The following CCM2 variants were observed in gnomAD, a reference collection of about 807,000 sequenced individuals.
CCM2 encodes the protein cerebral cavernous malformations 2 protein.
In CCM2, 25 loss-of-function variants were observed where a neutral mutation model predicts 44.9. That is an observed-to-expected ratio of 0.56 (90% CI 0.41 to 0.78). The LOEUF is 0.78. Ranked by LOEUF, CCM2 falls within the 30% of genes least tolerant of loss-of-function variation. CCM2 has a pLI of 0.00. For missense variants in CCM2, 481 were observed against 580.6 expected, an observed-to-expected ratio of 0.83 and a Z score of 1.76; for synonymous variants, 219 against 241.1, an observed-to-expected ratio of 0.91 and a Z score of 0.85.
At chr7:45,000,872 G>A (rs564223926) in intron 1 of CCM2, among the ~76,000 whole-genome samples, 1 of 152,306 alleles carries the variant, frequency 6.6e-6, no homozygotes, top group African/African-American at 2.4e-5. Flanking sequence ...GTGGGATTTA[G>A]GACATAGTTC....
intron 4 of CCM2, chr7:45,068,175 G>A (rs1798875886): frequency 3.8e-6 from 2 of 530,416 alleles, no homozygotes; most frequent in Non-Finnish European, 6.9e-6. Flanking sequence ...TTGTATATGT[G>A]GTCTGTTGTA....
intron 5 of CCM2, 102 bp from the exon 6 acceptor site, chr7:45,069,724 A>G: frequency 1.4e-6 from 2 of 1,438,860 alleles, no homozygotes; most frequent in Non-Finnish European, 1.9e-6. Context: ...CTCTTCATTC[A>G]TGTTTATTGA....
intron 2 of CCM2, 108 bp from the exon 3 acceptor site, chr7:45,063,810 C>A: frequency 1.3e-6 from 1 of 790,796 alleles, no homozygotes. Flanking sequence ...GACCCATGGG[C>A]CTGGTGGCCT....
chr7:45,021,290 C>T (rs1372564033), intron 1 of CCM2, among the ~76,000 whole-genome samples: 3 of 151,778 alleles, frequency 2.0e-5, no homozygotes, highest in Admixed American at 6.6e-5. Context: ...TAGGCTGGCA[C>T]GGTGGCTCAC....
chr7:45,028,935 C>T (rs1470568908), intron 1 of CCM2, among the ~76,000 whole-genome samples: 3 of 152,144 alleles, frequency 2.0e-5, no homozygotes, highest in South Asian at 2.1e-4. Context: ...CGTAGTGCCT[C>T]GGATGTGCAC....
At chr7:45,003,728 CA>C (rs59817510) in intron 1 of CCM2, among the ~76,000 whole-genome samples, 107,840 of 139,778 alleles carry the variant, frequency 0.77, 40,875 homozygotes, top group East Asian at 0.89. Flanking sequence ...ACTCCATCTC[CA>C]AAAAAAAAAA....
intron 1 of CCM2, 66 bp downstream of exon 1, chr7:45,000,429 G>T: frequency 2.8e-6 from 1 of 358,074 alleles, no homozygotes; most frequent in South Asian, 1.6e-4. Context: ...GGCCAGGGTG[G>T]GGTGGGCGGG....
At chr7:45,031,833 A>C (rs765440441) in intron 1 of CCM2, among the ~76,000 whole-genome samples, 19 of 152,004 alleles carry the variant, frequency 1.2e-4, no homozygotes, top group South Asian at 6.2e-4. Context: ...TGGCCTCCCA[A>C]AGTGTTGGGA....
chr7:45,073,255 C>A, intron 7 of CCM2: 1 of 619,356 alleles, frequency 1.6e-6, no homozygotes, highest in Non-Finnish European at 2.9e-6. Context: ...CAACTCAGAG[C>A]CATGCCCCCG....
Position 45,068,479 on chromosome 7 carries a change from G to A in CCM2, c.509G>A (p.Cys170Tyr), listed in dbSNP as rs1336425364. ...GGGATCTCCCCCAGCCAGAGTCTGT[G>A]TGCGGAAAGTTCCAGAGGCCTCAGT... ...DPGISPSQSL[C>Y]AESSRGLSAG... The change falls in exon 5 of 10, where the codon TGT becomes TAT. Residue 170 changes from cysteine (C) to tyrosine (Y), a missense_variant. Cys to Tyr is a radical substitution (Grantham distance 194). Coordinates refer to ENST00000258781, the MANE Select transcript of CCM2 (RefSeq NM_031443.4). The A allele has an allele frequency of 2.5e-6, 4 of 1,614,084 alleles. No homozygotes were observed. In the East Asian group the frequency reaches 6.7e-5, roughly 27 times the overall value.
chr7:45,004,674 C>T lies in CCM2; in HGVS notation c.30+4311C>T, dbSNP rs566073708. ...AAAGTTTAAAGGAACCACACTTAAA[C>T]GCTCTGATTTTTTAATTCTATTTTT... On this transcript the variant is annotated intron_variant, in intron 1 of 9. Coordinates refer to ENST00000258781, the MANE Select transcript of CCM2 (RefSeq NM_031443.4). 1.4e-4 allele frequency among the ~76,000 whole-genome samples: 21 copies of T among 152,278 alleles called. No individual in the cohort carries two copies. The South Asian group carries it at 2.3e-3, about 17-fold the overall frequency.
chr7:45,049,879 A>G (rs1797920668), intron 2 of CCM2, among the ~76,000 whole-genome samples: 1 of 152,236 alleles, frequency 6.6e-6, no homozygotes, highest in Admixed American at 6.5e-5. Flanking sequence ...AAACCACTAC[A>G]ACAATAAAAA....
At chr7:45,069,669 C>A (rs190206358) in intron 5 of CCM2, among the ~76,000 whole-genome samples, 157 bp from the exon 6 acceptor site, 1 of 152,348 alleles carries the variant, frequency 6.6e-6, no homozygotes, top group Non-Finnish European at 1.5e-5. Flanking sequence ...TCTTTTGACA[C>A]CCCTTTGGGT....
chr7:45,022,898 G>A (rs570607800), intron 1 of CCM2, among the ~76,000 whole-genome samples: 51 of 151,650 alleles, frequency 3.4e-4, no homozygotes, highest in African/African-American at 1.1e-3. Context: ...CCACCACCAC[G>A]CCTGGCTAAT....
intron 1 of CCM2, among the ~76,000 whole-genome samples, chr7:45,021,490 G>A (rs868708501): frequency 4.0e-5 from 6 of 151,844 alleles, no homozygotes; most frequent in Non-Finnish European, 7.4e-5. Flanking sequence ...GCTTGAACCC[G>A]GAAGGTAGAG....
intron 2 of CCM2, among the ~76,000 whole-genome samples, chr7:45,041,327 T>C (rs1797488163): frequency 6.6e-6 from 1 of 152,224 alleles, no homozygotes; most frequent in African/African-American, 2.4e-5. Flanking sequence ...TAGACATTCT[T>C]TTCCCTGTTC....
intron 7 of CCM2, 90 bp downstream of exon 7, chr7:45,072,873 A>G (rs1009867355): frequency 5.6e-6 from 6 of 1,078,524 alleles, no homozygotes; most frequent in Admixed American, 3.5e-5. Context: ...CAGCTCCCCC[A>G]TCTCAGCTCA....
At chr7:45,030,411 A>C (rs1198622945) in intron 1 of CCM2, among the ~76,000 whole-genome samples, 2 of 152,222 alleles carry the variant, frequency 1.3e-5, no homozygotes, top group Admixed American at 1.3e-4. Flanking sequence ...GATTCTGTAC[A>C]TTAAAAATAT....
rs974496047 is a variant in CCM2 at position 45,062,677 on chromosome 7, T to G, written c.205-1241T>G. On this transcript the variant is annotated intron_variant, in intron 2 of 9. Coordinates refer to ENST00000258781, the MANE Select transcript of CCM2 (RefSeq NM_031443.4). Reference sequence around the variant, plus strand: ...TGGCAAAACCCTGTCTCTACAAAAATTAGCCAGGCGTGGTGACACACACCT... The same window carrying G: ...TGGCAAAACCCTGTCTCTACAAAAAGTAGCCAGGCGTGGTGACACACACCT... Among the ~76,000 whole-genome samples, 39 of 152,096 alleles carry G rather than the reference T, an allele frequency of 2.6e-4. 1 individual carries two copies. Among genetic ancestry groups the G allele is most frequent in the Admixed American group, 2.1e-3 (32 of 15,270 alleles).
Sources: gnomAD v4.1 joint callset for allele counts (sites outside exome capture counted in the v4.1 genomes callset) on GRCh38, gnomAD v4.1.1 for gene constraint, MANE v1.5 for transcripts, NCBI Gene and HGNC (gene_info 2026-07-23, HGNC 2026-07-21) for gene names.